MAML2: variants seen among roughly 807,000 people sequenced by gnomAD.
The protein encoded by MAML2 is mastermind-like protein 2.
A neutral mutation model predicts 96.1 loss-of-function variants in MAML2; 22 were observed. The ratio of observed to expected loss-of-function variants is 0.23; its 90% CI spans 0.16 to 0.33. MAML2 has a LOEUF of 0.33. Among genes scored for constraint, MAML2 ranks in the 10% least tolerant of loss-of-function variants. The pLI is 1.00. For missense variants in MAML2, 1,367 were observed against 1,392.4 expected (o/e 0.98, Z 0.29); for synonymous variants, 561 against 521.3 (o/e 1.08, Z -1.04).
At chr11:96,000,775 G>A (rs1236992715) in intron 2 of MAML2, among the ~76,000 whole-genome samples, 2 of 152,142 alleles carry the variant, frequency 1.3e-5, no homozygotes, top group African/African-American at 4.8e-5. Flanking sequence ...CTTGCACAAG[G>A]TCACACACCT....
chr11:96,140,075 T>C (rs1816579534), intron 1 of MAML2, among the ~76,000 whole-genome samples: 1 of 152,240 alleles, frequency 6.6e-6, no homozygotes, highest in African/African-American at 2.4e-5. Context: ...TTCACTTTCT[T>C]TATGTGGTTA....
intron 1 of MAML2, among the ~76,000 whole-genome samples, chr11:96,146,134 T>C (rs867374063): frequency 2.8e-4 from 43 of 152,364 alleles, no homozygotes; most frequent in Middle Eastern, 3.4e-3. Context: ...GGGAAAAGGT[T>C]TATATATCCA....
intron 1 of MAML2, among the ~76,000 whole-genome samples, chr11:96,296,460 G>A (rs766334655): frequency 2.2e-4 from 34 of 152,102 alleles, no homozygotes; most frequent in Admixed American, 5.9e-4. Context: ...TGACCAACAT[G>A]GTGAAACTCT....
At chr11:96,131,940 G>A (rs1388462294) in intron 1 of MAML2, among the ~76,000 whole-genome samples, 1 of 152,170 alleles carries the variant, frequency 6.6e-6, no homozygotes, top group African/African-American at 2.4e-5. Context: ...AACCCAGGAG[G>A]TAGAGGTTGC....
In MAML2 at chr11:95,978,960, C is replaced by T; in HGVS notation, c.3459G>A (p.Gly1153=). The T allele has an allele frequency of 6.2e-7, 1 of 1,606,162 alleles. No homozygotes were observed. Among genetic ancestry groups the T allele is most frequent in the South Asian group, 1.1e-5 (1 of 89,684 alleles). The change falls in exon 5 of 5, where the codon GGG becomes GGA. Residue 1153 remains glycine, a synonymous_variant. Transcript: ENST00000524717. ...TTCCCTTTCTTCTTTAGGAATTGTT[C>T]CCCAAGATTTCATCAAGATTGATGT... ...MKDINLDEIL[G]NNS is the part of the protein sequence containing the mutation.
intron 1 of MAML2, among the ~76,000 whole-genome samples, chr11:96,186,894 C>CATAT (rs1322091662): frequency 1.6e-4 from 25 of 152,170 alleles, no homozygotes; most frequent in Admixed American, 1.6e-3. Context: ...CAGAGGCTAC[C>CATAT]ATATGCACAA....
At chr11:96,043,987 G>A (rs754325893) in intron 2 of MAML2, among the ~76,000 whole-genome samples, 1 of 152,248 alleles carries the variant, frequency 6.6e-6, no homozygotes, top group Non-Finnish European at 1.5e-5. Flanking sequence ...GGTGAGTAAT[G>A]GCCCAGGGCC....
chr11:96,013,908 G>A (rs1176705263), intron 2 of MAML2, among the ~76,000 whole-genome samples: 1 of 152,244 alleles, frequency 6.6e-6, no homozygotes, highest in Non-Finnish European at 1.5e-5. Context: ...GATACAGAAA[G>A]CCCTCTGTCC....
chr11:96,305,898 T>C (rs1459305100), intron 1 of MAML2, among the ~76,000 whole-genome samples: 1 of 152,144 alleles, frequency 6.6e-6, no homozygotes, highest in African/African-American at 2.4e-5. Flanking sequence ...CAAACACAAG[T>C]ATAAACATTC....
At position 96,092,174 on chromosome 11, in the gene MAML2, T is replaced by G; in HGVS notation, c.1857A>C (p.Gln619His). Residue 619 changes from glutamine (Q) to histidine (H), a missense_variant, in exon 2 of 5, where the codon CAA becomes CAC. Transcript: ENST00000524717. The surrounding 1 kb of genome is among the most constrained non-coding windows in gnomAD (Gnocchi z 4.1). ...QQQQQQQQQQ[Q>H]QQSSISAQQQ... ...GTTGAGCTGAAATTGAACTCTGCTGTTGCTGTTGCTGTTGCTGTTGCTGCT... is the reference window on the plus strand; with the variant it reads ...GTTGAGCTGAAATTGAACTCTGCTGGTGCTGTTGCTGTTGCTGTTGCTGCT... The G allele has an allele frequency of 6.5e-7, 1 of 1,540,078 alleles. No individual in the cohort carries two copies. Among genetic ancestry groups the G allele is most frequent in the Non-Finnish European group, 8.8e-7 (1 of 1,141,708 alleles).
rs1294678552 is a variant in MAML2 at position 96,313,306 on chromosome 11, G to A, written c.513+28077C>T. The stretch of plus-strand genomic sequence containing the variant: ...ATCCACCTGAGCAGCTGTTAGAAAT[G>A]CAAATCCTTCATCCCCATCTCAGAA... On this transcript the variant is annotated intron_variant, in intron 1 of 4. Transcript: ENST00000524717. Among the ~76,000 whole-genome samples, 3 of 152,174 alleles carry A rather than the reference G, an allele frequency of 2.0e-5. No individual in the cohort carries two copies. The East Asian group carries it at 5.8e-4, about 29-fold the overall frequency.
intron 2 of MAML2, among the ~76,000 whole-genome samples, chr11:96,020,085 GC>G (rs1398421437): frequency 3.9e-5 from 6 of 152,146 alleles, no homozygotes; most frequent in Admixed American, 1.3e-4. Context: ...GGGAGTGCAT[GC>G]AGAGGGAACA....
chr11:96,134,479 G>C (rs1290402508), intron 1 of MAML2, among the ~76,000 whole-genome samples: 2 of 152,046 alleles, frequency 1.3e-5, no homozygotes, highest in Non-Finnish European at 2.9e-5. Flanking sequence ...CAGGATTCTG[G>C]GATTATTTAT....
chr11:96,167,687 G>A (rs541457115), intron 1 of MAML2, among the ~76,000 whole-genome samples: 9 of 152,170 alleles, frequency 5.9e-5, no homozygotes, highest in African/African-American at 1.7e-4. Context: ...ATCTCCTCCC[G>A]ATTCTTCAAT....
chr11:96,041,200 G>A (rs1463096147), intron 2 of MAML2, among the ~76,000 whole-genome samples: 2 of 151,786 alleles, frequency 1.3e-5, no homozygotes, highest in Non-Finnish European at 2.9e-5. Context: ...TTAAACAGGT[G>A]ATATTCAAGG....
At chr11:96,154,898 T>A (rs1267597383) in intron 1 of MAML2, among the ~76,000 whole-genome samples, 1 of 152,092 alleles carries the variant, frequency 6.6e-6, no homozygotes, top group Non-Finnish European at 1.5e-5. Flanking sequence ...CATCTGAGGG[T>A]TACTGCCAGC....
At chr11:96,318,080 A>G (rs1369547840) in intron 1 of MAML2, among the ~76,000 whole-genome samples, 4 of 152,244 alleles carry the variant, frequency 2.6e-5, no homozygotes, top group African/African-American at 9.6e-5. Flanking sequence ...GGGTTGAACT[A>G]GGAGGTCATT....
chr11:95,985,539 T>A lies in MAML2; in HGVS notation c.2447A>T (p.Gln816Leu). The A allele has an allele frequency of 1.3e-6, 2 of 1,594,926 alleles. No homozygotes were observed. The highest frequency in any genetic ancestry group is 1.7e-6 in the Non-Finnish European group (2 of 1,165,138). Residue 816 changes from glutamine (Q) to leucine (L), a missense_variant, in exon 4 of 5, where the codon CAG becomes CTG. By Grantham distance (113) the Gln-to-Leu change is moderately radical. Coordinates refer to ENST00000524717, the MANE Select transcript of MAML2 (RefSeq NM_032427.4). ...RNVGNMQPTA[Q>L]YSGGSSTISL... Reference sequence around the variant, plus strand: ...TTTTTAAGAACACTTACCAGAATACTGAGCAGTTGGTTGCATATTGCCCAC... The same window carrying A: ...TTTTTAAGAACACTTACCAGAATACAGAGCAGTTGGTTGCATATTGCCCAC...
intron 2 of MAML2, among the ~76,000 whole-genome samples, chr11:96,053,756 A>AG (rs1316147330): frequency 6.6e-6 from 1 of 152,226 alleles, no homozygotes; most frequent in Non-Finnish European, 1.5e-5. Flanking sequence ...GAGGGAAGGA[A>AG]GGGGCGACAT....
Sources: gnomAD v4.1 joint callset for allele counts (sites outside exome capture counted in the v4.1 genomes callset) on GRCh38, gnomAD v4.1.1 for gene constraint, Gnocchi (gnomAD v3.1) non-coding constraint, MANE v1.5 for transcripts, NCBI Gene and HGNC (gene_info 2026-07-23, HGNC 2026-07-21) for gene names.